Variants in LNX1 observed in about 807,000 individuals in gnomAD.
LNX1 encodes the protein ligand of numb-protein X 1.
Under a neutral mutation model 68.4 loss-of-function variants are expected in LNX1, and 54 were observed. The ratio of observed to expected loss-of-function variants is 0.79; its 90% CI spans 0.63 to 0.99. The LOEUF (loss-of-function observed/expected upper bound fraction) is 0.99, where lower values mean the gene tolerates loss of function less well. Ranked by LOEUF, LNX1 falls within the 50% of genes least tolerant of loss-of-function variation. LNX1 has a pLI of 0.00. For missense variants in LNX1, 906 were observed against 926.4 expected (o/e 0.98, Z 0.29); for synonymous variants, 336 against 350.0 (o/e 0.96, Z 0.45).
intron 1 of LNX1, among the ~76,000 whole-genome samples, chr4:53,585,657 T>C (rs921326190): frequency 1.3e-5 from 2 of 151,994 alleles, no homozygotes; most frequent in African/African-American, 4.8e-5. Flanking sequence ...GAAGGTGATG[T>C]GAGGAGAGAG....
chr4:53,515,509 C>CG (rs201006267), intron 2 of LNX1, among the ~76,000 whole-genome samples: 9 of 146,784 alleles, frequency 6.1e-5, no homozygotes, highest in East Asian at 3.9e-4. Flanking sequence ...AATTTAAGGC[C>CG]CCCACCCCAC....
chr4:53,463,386 G>T (rs1249628505), intron 9 of LNX1, among the ~76,000 whole-genome samples: 1 of 151,300 alleles, frequency 6.6e-6, no homozygotes. Flanking sequence ...CCTTCTTTTA[G>T]TGGTGTTTTG....
chr4:53,543,065 T>G (rs1317522441), intron 2 of LNX1, among the ~76,000 whole-genome samples: 1 of 152,242 alleles, frequency 6.6e-6, no homozygotes, highest in Admixed American at 6.5e-5. Flanking sequence ...CTCACTATGT[T>G]GCTCAGGCTT....
chr4:53,493,976 G>T (rs936222204), intron 6 of LNX1, among the ~76,000 whole-genome samples: 1 of 152,158 alleles, frequency 6.6e-6, no homozygotes, highest in African/African-American at 2.4e-5. Context: ...TATTTCACAT[G>T]ATCTGTCTCT....
At chr4:53,567,422 A>C (rs1730776944) in intron 2 of LNX1, among the ~76,000 whole-genome samples, 1 of 151,898 alleles carries the variant, frequency 6.6e-6, no homozygotes, top group African/African-American at 2.4e-5. Flanking sequence ...ATGAAGGCAG[A>C]AATAAAGATG....
intron 2 of LNX1, among the ~76,000 whole-genome samples, chr4:53,608,100 A>T (rs1733304639): frequency 6.6e-6 from 1 of 152,202 alleles, no homozygotes; most frequent in Non-Finnish European, 1.5e-5. Context: ...TTGCAACAAA[A>T]ACAAAAATTG....
At chr4:53,532,025 A>T (rs1728055324) in intron 2 of LNX1, among the ~76,000 whole-genome samples, 1 of 152,242 alleles carries the variant, frequency 6.6e-6, no homozygotes. Flanking sequence ...GAAATATACA[A>T]GACAAAAGCT....
chr4:53,610,964 A>ATAT (rs1462268544), intron 2 of LNX1, among the ~76,000 whole-genome samples: 1 of 152,098 alleles, frequency 6.6e-6, no homozygotes, highest in Non-Finnish European at 1.5e-5. Context: ...AAAGAAGACT[A>ATAT]TAGTGACTGA....
intron 2 of LNX1, among the ~76,000 whole-genome samples, chr4:53,542,673 G>A (rs959772464): frequency 6.6e-6 from 1 of 152,204 alleles, no homozygotes; most frequent in Non-Finnish European, 1.5e-5. Flanking sequence ...GACATGAACA[G>A]ACTGGAGTAA....
At chr4:53,613,439 A>G (rs1733569878) in intron 2 of LNX1, among the ~76,000 whole-genome samples, 1 of 152,008 alleles carries the variant, frequency 6.6e-6, no homozygotes, top group South Asian at 2.1e-4. Context: ...TTAGTTGTAC[A>G]GATTATTTCA....
At chr4:53,510,121 C>T (rs1560636222) in intron 2 of LNX1, among the ~76,000 whole-genome samples, 1 of 152,184 alleles carries the variant, frequency 6.6e-6, no homozygotes, top group Non-Finnish European at 1.5e-5. Flanking sequence ...AGTGGTGTTA[C>T]ATTTTGTTAT....
At chr4:53,506,941 A>G (rs1461071471) in intron 4 of LNX1, among the ~76,000 whole-genome samples, 1 of 151,364 alleles carries the variant, frequency 6.6e-6, no homozygotes, top group Non-Finnish European at 1.5e-5. Flanking sequence ...CATGTAAAAC[A>G]CTCAGCACCA....
chr4:53,514,509 C>T (rs893914737), intron 2 of LNX1, among the ~76,000 whole-genome samples: 4 of 152,198 alleles, frequency 2.6e-5, no homozygotes, highest in African/African-American at 9.7e-5. Flanking sequence ...GGGAACTCTC[C>T]TTTATAAAAC....
intron 1 of LNX1, among the ~76,000 whole-genome samples, chr4:53,651,708 A>G (rs1180391982): frequency 2.0e-5 from 3 of 152,178 alleles, no homozygotes; most frequent in Non-Finnish European, 4.4e-5. Flanking sequence ...CTCTTTATCC[A>G]TGGGTAAAAC....
chr4:53,607,066 C>G (rs1005393150), intron 2 of LNX1, among the ~76,000 whole-genome samples: 1 of 152,184 alleles, frequency 6.6e-6, no homozygotes, highest in Non-Finnish European at 1.5e-5. Flanking sequence ...GATGCCTTCT[C>G]TCACCACTCC....
At chr4:53,541,706 T>C (rs1207966850) in intron 2 of LNX1, among the ~76,000 whole-genome samples, 1 of 151,074 alleles carries the variant, frequency 6.6e-6, no homozygotes, top group Non-Finnish European at 1.5e-5. Flanking sequence ...ACTTAATACT[T>C]AGCAATCACT....
chr4:53,554,981 C>A (rs1289863216), intron 2 of LNX1, among the ~76,000 whole-genome samples: 1 of 152,082 alleles, frequency 6.6e-6, no homozygotes, highest in Admixed American at 6.5e-5. Flanking sequence ...CTCAGGAACA[C>A]AAGAGTGCAT....
intron 7 of LNX1, among the ~76,000 whole-genome samples, chr4:53,479,166 C>T (rs1723757143): frequency 6.6e-6 from 1 of 152,224 alleles, no homozygotes; most frequent in Admixed American, 6.5e-5. Context: ...GCTGGGATTA[C>T]AAGCATGAGC....
chr4:53,541,085 C>T (rs1275222301), intron 2 of LNX1, among the ~76,000 whole-genome samples: 11 of 146,722 alleles, frequency 7.5e-5, no homozygotes, highest in Non-Finnish European at 1.2e-4. Context: ...TGCAGTGAGC[C>T]GAGACCACGC....
Sources: gnomAD v4.1 joint callset for allele counts (sites outside exome capture counted in the v4.1 genomes callset) on GRCh38, gnomAD v4.1.1 for gene constraint, MANE v1.5 for transcripts, NCBI Gene and HGNC (gene_info 2026-07-23, HGNC 2026-07-21) for gene names.